Variants in CDK14 observed in about 807,000 individuals in gnomAD.
CDK14 encodes cyclin dependent kinase 14.
In CDK14, 34 loss-of-function variants were observed where a neutral mutation model predicts 60.7. The ratio of observed to expected loss-of-function variants is 0.56; its 90% CI spans 0.43 to 0.75. The LOEUF is 0.75. Ranked by LOEUF, CDK14 falls within the 30% of genes least tolerant of loss-of-function variation. The pLI is 0.00. For missense variants in CDK14, 482 were observed against 564.1 expected, an observed-to-expected ratio of 0.85 and a Z score of 1.47; for synonymous variants, 197 against 203.7, an observed-to-expected ratio of 0.97 and a Z score of 0.28.
intron 13 of CDK14, among the ~76,000 whole-genome samples, chr7:91,116,738 T>G (rs1232306360): frequency 1.3e-5 from 2 of 152,138 alleles, no homozygotes; most frequent in East Asian, 3.9e-4. Flanking sequence ...CTATCGAAGA[T>G]TCAACACAAT....
intron 11 of CDK14, among the ~76,000 whole-genome samples, chr7:91,071,449 C>T (rs188776366): frequency 1.7e-4 from 26 of 152,154 alleles, no homozygotes; most frequent in African/African-American, 2.4e-4. Flanking sequence ...GGACCCCTCA[C>T]CCCCCCAGCC....
intron 2 of CDK14, among the ~76,000 whole-genome samples, chr7:90,632,748 C>CAGT (rs1443257893): frequency 6.6e-6 from 1 of 151,874 alleles, no homozygotes; most frequent in Non-Finnish European, 1.5e-5. Flanking sequence ...ATTTTCTTTC[C>CAGT]AGTAGTTGGG....
At chr7:90,842,970 A>G (rs1790346954) in intron 5 of CDK14, among the ~76,000 whole-genome samples, 1 of 152,188 alleles carries the variant, frequency 6.6e-6, no homozygotes, top group Non-Finnish European at 1.5e-5. Context: ...AGAGGTTTGC[A>G]CAGTGACAAT....
intron 10 of CDK14, among the ~76,000 whole-genome samples, chr7:91,002,566 C>A (rs2115759450): frequency 6.6e-6 from 1 of 152,234 alleles, no homozygotes; most frequent in East Asian, 1.9e-4. Flanking sequence ...CCAACTCAAC[C>A]AATATGTATT....
intron 5 of CDK14, among the ~76,000 whole-genome samples, chr7:90,824,001 T>C (rs1238620825): frequency 6.6e-6 from 1 of 152,226 alleles, no homozygotes; most frequent in African/African-American, 2.4e-5. Flanking sequence ...AAAACAATTT[T>C]ATGGCCATAT....
chr7:90,676,854 G>C (rs1801210625), intron 2 of CDK14, among the ~76,000 whole-genome samples: 1 of 152,012 alleles, frequency 6.6e-6, no homozygotes, highest in African/African-American at 2.4e-5. Context: ...GATGTTTCAA[G>C]GCTCTTCAGA....
At chr7:90,640,773 T>G (rs531874597) in intron 2 of CDK14, among the ~76,000 whole-genome samples, 32 of 152,248 alleles carry the variant, frequency 2.1e-4, no homozygotes, top group Admixed American at 3.3e-4. Context: ...AAAGCCTCTG[T>G]GGCTTATCTT....
chr7:90,869,483 G>C (rs1306220470), intron 6 of CDK14, among the ~76,000 whole-genome samples: 1 of 152,202 alleles, frequency 6.6e-6, no homozygotes, highest in Non-Finnish European at 1.5e-5. Context: ...AGGTTTGGCT[G>C]TACTGAGTTT....
At chr7:90,754,324 C>T (rs1430921833) in intron 4 of CDK14, among the ~76,000 whole-genome samples, 2 of 152,070 alleles carry the variant, frequency 1.3e-5, no homozygotes, top group African/African-American at 4.8e-5. Context: ...GAAATAAAGC[C>T]ACACACCTAC....
intron 14 of CDK14, among the ~76,000 whole-genome samples, chr7:91,186,096 C>T (rs894880944): frequency 1.3e-5 from 2 of 148,934 alleles, no homozygotes; most frequent in Non-Finnish European, 3.0e-5. Context: ...GCCTTCCTGT[C>T]TTCCTTCTCC....
chr7:90,987,700 C>T (rs904873881), intron 10 of CDK14, among the ~76,000 whole-genome samples: 7 of 151,900 alleles, frequency 4.6e-5, no homozygotes, highest in African/African-American at 1.7e-4. Flanking sequence ...TTTATAAACC[C>T]AGTATGGTTA....
At chr7:91,024,430 A>G (rs906660015) in intron 10 of CDK14, among the ~76,000 whole-genome samples, 1 of 152,186 alleles carries the variant, frequency 6.6e-6, no homozygotes, top group Non-Finnish European at 1.5e-5. Flanking sequence ...AGGCAGGCAT[A>G]TCATCGAGGC....
chr7:91,078,365 G>T (rs1388383255), intron 11 of CDK14, among the ~76,000 whole-genome samples: 1 of 152,180 alleles, frequency 6.6e-6, no homozygotes, highest in Non-Finnish European at 1.5e-5. Flanking sequence ...CCAGCACTTT[G>T]GGAGGCCAAG....
intron 12 of CDK14, among the ~76,000 whole-genome samples, chr7:91,084,730 T>C (rs1336167745): frequency 2.0e-5 from 3 of 152,212 alleles, no homozygotes. Context: ...AGACAGAAAA[T>C]ACCCATCTTC....
At chr7:90,695,638 T>G (rs1385724383) in intron 2 of CDK14, among the ~76,000 whole-genome samples, 1 of 151,904 alleles carries the variant, frequency 6.6e-6, no homozygotes. Flanking sequence ...GAAAAACGGA[T>G]GGGAGGTGGG....
intron 6 of CDK14, among the ~76,000 whole-genome samples, chr7:90,863,822 G>C (rs992946997): frequency 6.6e-6 from 1 of 151,992 alleles, no homozygotes; most frequent in Non-Finnish European, 1.5e-5. Context: ...ATCTTCTTAT[G>C]TGAGAGTATT....
chr7:90,947,494 G>A (rs1048173018), intron 8 of CDK14, among the ~76,000 whole-genome samples: 8 of 152,100 alleles, frequency 5.3e-5, no homozygotes, highest in East Asian at 1.9e-4. Context: ...ATAATCTTAC[G>A]ACACTCTAAG....
chr7:90,958,757 G>A (rs564113049), intron 9 of CDK14, among the ~76,000 whole-genome samples: 14 of 152,144 alleles, frequency 9.2e-5, no homozygotes, highest in Non-Finnish European at 1.6e-4. Context: ...TATTTTTTGA[G>A]TATGGAAATT....
intron 5 of CDK14, among the ~76,000 whole-genome samples, chr7:90,840,804 C>G (rs957674215): frequency 6.6e-6 from 1 of 152,250 alleles, no homozygotes; most frequent in East Asian, 1.9e-4. Context: ...GACTGCTTAC[C>G]ATAGTTTCTC....
Sources: allele counts gnomAD v4.1 joint callset (sites outside exome capture counted in the v4.1 genomes callset), GRCh38; gene constraint gnomAD v4.1.1; transcripts MANE v1.5; gene names NCBI Gene and HGNC (gene_info 2026-07-23, HGNC 2026-07-21).